Variants in UPF1 observed in about 807,000 individuals in gnomAD.
UPF1 encodes regulator of nonsense transcripts 1.
A neutral mutation model predicts 129.2 loss-of-function variants in UPF1; 9 were observed. That is an observed-to-expected ratio of 0.07 (90% confidence interval 0.04 to 0.12). UPF1 has a LOEUF of 0.12. Among genes scored for constraint, UPF1 ranks in the 10% least tolerant of loss-of-function variants. The pLI is 1.00. For synonymous variants in UPF1, 649 were observed against 644.9 expected, an observed-to-expected ratio of 1.01 and a Z score of -0.10; for missense variants, 788 against 1,525.3, an observed-to-expected ratio of 0.52 and a Z score of 8.05.
rs760440630 is a variant in UPF1 at position 18,856,999 on chromosome 19, C to T, written c.1947C>T (p.Pro649=). The change falls in exon 14 of 24, where the codon CCC becomes CCT. Residue 649 remains proline (P), a synonymous_variant. Transcript: ENST00000262803. The part of the protein sequence containing the change: ...TQATEPECMV[P]VVLGAKQLIL... ...CCACCGAGCCGGAGTGCATGGTTCC[C>T]GTGGTCCTCGGGGCCAAGCAGGTGG... The T allele has an allele frequency of 1.4e-5, 22 of 1,612,276 alleles. No individual in the cohort carries two copies. Among genetic ancestry groups the T allele is most frequent in the East Asian group, 2.2e-5 (1 of 44,880 alleles).
At chr19:18,842,352 C>T (rs545810143) in intron 1 of UPF1, among the ~76,000 whole-genome samples, 69 of 152,174 alleles carry the variant, frequency 4.5e-4, no homozygotes, top group Non-Finnish European at 7.5e-4. Flanking sequence ...CGCTCATGAG[C>T]CAGCTGTTTT....
At position 18,832,488 on chromosome 19, in the gene UPF1, C is replaced by T. The variant is rs2055438511; in HGVS notation, c.231+48C>T. On this transcript the variant is annotated intron_variant, in intron 1 of 23. Coordinates refer to ENST00000262803, the MANE Select transcript of UPF1 (RefSeq NM_002911.4). This position sits in a 1 kb window ranked among gnomAD's most constrained non-coding sequence, Gnocchi z 5.6. ...GGAAGCCCGGGCCCGGCCTCGGCGC[C>T]TGAGACCTGCCCCGAACTCGCCTCG... 1.0e-6 allele frequency: 1 copy of T among 996,044 alleles called. No homozygotes were observed. Among genetic ancestry groups the T allele is most frequent in the Non-Finnish European group, 1.2e-6 (1 of 835,942 alleles). 61.7% of individuals were successfully genotyped at this position (996,044 alleles called of 1,614,324 possible).
rs1188586170 is a variant in UPF1, at chr19:18,867,244, G to C, written c.*727G>C. ...GTGCCGCGGCCGGAGGAGTTTTGTT[G>C]TTGGTTTTAGCTTCCAGTGGCTTCT... is the stretch of plus-strand genomic sequence containing the variant. On this transcript the variant is annotated 3_prime_UTR_variant, in exon 24 of 24. Transcript: ENST00000262803. 1 of 152,286 alleles carries C rather than the reference G, an allele frequency of 6.6e-6. No individual in the cohort carries two copies. The highest frequency in any genetic ancestry group is 1.5e-5 in the Non-Finnish European group (1 of 68,050). The allele number at this position is 152,286 out of a possible 1,614,324, so 9.4% of individuals were successfully genotyped here. A position where few individuals can be genotyped will look rare whatever the true frequency, so the allele number is the denominator to read the frequency against.
At chr19:18,845,868 C>G (rs146802812) in intron 1 of UPF1, 112 bp from the exon 2 acceptor site, 1 of 1,431,970 alleles carries the variant, frequency 7.0e-7, no homozygotes. Context: ...GGGAAACTGT[C>G]TCAAAGCAGA....
intron 1 of UPF1, among the ~76,000 whole-genome samples, chr19:18,844,474 C>T (rs1202629673): frequency 1.3e-5 from 2 of 148,266 alleles, no homozygotes; most frequent in African/African-American, 5.0e-5. Flanking sequence ...CAGGCACGTG[C>T]CACCACGTCC....
chr19:18,853,125 A>G lies in UPF1; in HGVS notation c.1057+54A>G, dbSNP rs1324952935. On this transcript the variant is annotated intron_variant, in intron 7 of 23. Coordinates refer to ENST00000262803, the MANE Select transcript of UPF1 (RefSeq NM_002911.4). This position sits in a 1 kb window ranked among gnomAD's most constrained non-coding sequence, Gnocchi z 4.4. ...AAGAGGTGATTTTAAGTTTTAAAAT[A>G]TTTGTGACCATAAGTAGCATAAATT... The G allele has an allele frequency of 1.9e-6, 3 of 1,608,650 alleles. No individual in the cohort carries two copies. In the African/African-American group the frequency reaches 4.0e-5, roughly 21 times the overall value.
chr19:18,840,474 A>G (rs896167346), intron 1 of UPF1, among the ~76,000 whole-genome samples: 13 of 152,222 alleles, frequency 8.5e-5, no homozygotes, highest in Admixed American at 8.5e-4. Context: ...AGGAAGCTAA[A>G]GGGCACATGC....
rs2055786644 is a variant in UPF1, at chr19:18,862,075, T to C, written c.2523T>C (p.Cys841=). The change falls in exon 18 of 24, where the codon TGT becomes TGC. Residue 841 remains cysteine, a synonymous_variant. Transcript: ENST00000262803. ...AGAAGGACTTCATCATCCTGTCCTG[T>C]GTGCGGGCCAACGAGCACCAAGGCA... ...GREKDFIILS[C]VRANEHQGIG... 6.2e-7 allele frequency: 1 copy of C among 1,614,120 alleles called. No homozygotes were observed. Among genetic ancestry groups the C allele is most frequent in the Admixed American group, 1.7e-5 (1 of 60,030 alleles).
Position 18,865,849 on chromosome 19 carries a change from A to G in UPF1, c.3237+71A>G. The G allele has an allele frequency of 6.3e-7, 1 of 1,594,080 alleles. No homozygotes were observed. The highest frequency in any genetic ancestry group is 8.5e-7 in the Non-Finnish European group (1 of 1,171,504). On this transcript the variant is annotated intron_variant, in intron 22 of 23. Coordinates refer to ENST00000262803, the MANE Select transcript of UPF1 (RefSeq NM_002911.4). The surrounding 1 kb of genome is among the most constrained non-coding windows in gnomAD (Gnocchi z 6.1). ...TATGCACCTGAAACATTCCCTCTGA[A>G]GAGCCCCAGAGAGCTGGCCTGGCCC...
chr19:18,846,972 C>T (rs952373424), intron 2 of UPF1, among the ~76,000 whole-genome samples: 2 of 152,230 alleles, frequency 1.3e-5, no homozygotes, highest in Non-Finnish European at 2.9e-5. Flanking sequence ...CCAGCCTGAG[C>T]GACAGTCACG....
chr19:18,847,856 T>G (rs1218279406), intron 3 of UPF1, 23 bp downstream of exon 3: 4 of 1,609,140 alleles, frequency 2.5e-6, no homozygotes, highest in Non-Finnish European at 3.4e-6. Flanking sequence ...ACCATGCATG[T>G]GTGTTTAATC....
At chr19:18,855,879 C>T (rs561789702) in intron 11 of UPF1, 46 bp from the exon 12 acceptor site, 14 of 1,599,640 alleles carry the variant, frequency 8.8e-6, no homozygotes, top group Admixed American at 1.7e-5. Flanking sequence ...CTACGTTCAC[C>T]GAGCTTCCTC....
At chr19:18,860,712 A>G in intron 16 of UPF1, 114 bp from the exon 17 acceptor site, 3 of 1,445,852 alleles carry the variant, frequency 2.1e-6, no homozygotes, top group African/African-American at 1.4e-5. Flanking sequence ...TGCAAACGCC[A>G]GTGATGGCAG....
Position 18,865,418 on chromosome 19 carries a change from G to C in UPF1, c.2987G>C (p.Gly996Ala), listed in dbSNP as rs1234857844. 1.2e-6 allele frequency: 2 copies of C among 1,613,982 alleles called. No individual in the cohort carries two copies. Among genetic ancestry groups the C allele is most frequent in the East Asian group, 4.5e-5 (2 of 44,882 alleles). ...NLVMPPMPPPGYFGQANGPAA... is the reference protein window; with the variant it reads ...NLVMPPMPPPAYFGQANGPAA... ...GTCATGCCACCCATGCCACCGCCTG[G>C]CTATTTTGGACAAGCCAACGGGCCT... The change falls in exon 21 of 24, where the codon GGC (glycine) becomes GCC (alanine). Residue 996 changes from glycine (G) to alanine (A), a missense_variant. Physicochemically the swap from Gly to Ala is moderately conservative, Grantham distance 60. This residue lies in a region of UPF1 where 218 missense variants were observed against 318.1 expected (regional missense o/e 0.69). Transcript: ENST00000262803. This position sits in a 1 kb window ranked among gnomAD's most constrained non-coding sequence, Gnocchi z 6.1.
chr19:18,851,291 G>A lies in UPF1; in HGVS notation c.810+423G>A, dbSNP rs1181518304. 2.0e-5 allele frequency among the ~76,000 whole-genome samples: 3 copies of A among 152,134 alleles called. No homozygotes were observed. Among genetic ancestry groups the A allele is most frequent in the South Asian group, 4.1e-4 (2 of 4,822 alleles). ...GCTGAGACAGAGGGGAGAGGAGAGG[G>A]TGCCGGGTCAAGTAGTGGGTGCCTG... On this transcript the variant is annotated intron_variant, in intron 5 of 23. Transcript: ENST00000262803. This position sits in a 1 kb window ranked among gnomAD's most constrained non-coding sequence, Gnocchi z 4.2.
intron 14 of UPF1, 98 bp downstream of exon 14, chr19:18,857,118 A>G: frequency 3.9e-6 from 6 of 1,539,316 alleles, no homozygotes; most frequent in Non-Finnish European, 5.3e-6. Context: ...GATGCCCAGC[A>G]GAGTGTGCGC....
Position 18,832,165 on chromosome 19 carries a change from C to G in UPF1, c.-45C>G. ...CTAGGCCTCAGCGCGGCGGCGGGCT[C>G]GAGTGCAGCGCGGAACCGGCCCGAG... On this transcript the variant is annotated 5_prime_UTR_variant, in exon 1 of 24. Coordinates refer to ENST00000262803, the MANE Select transcript of UPF1 (RefSeq NM_002911.4). The surrounding 1 kb of genome is among the most constrained non-coding windows in gnomAD (Gnocchi z 5.6). 1 of 1,485,424 alleles carries G rather than the reference C, an allele frequency of 6.7e-7. No homozygotes were observed. The highest frequency in any genetic ancestry group is 9.0e-7 in the Non-Finnish European group (1 of 1,111,078). 92.0% of individuals were successfully genotyped at this position (1,485,424 alleles called of 1,614,324 possible). A position where few individuals can be genotyped will look rare whatever the true frequency, so the allele number is the denominator to read the frequency against.
chr19:18,846,484 A>G (rs2145945214), intron 2 of UPF1, among the ~76,000 whole-genome samples: 1 of 151,906 alleles, frequency 6.6e-6, no homozygotes, highest in South Asian at 2.1e-4. Context: ...CAGCTGAGAT[A>G]CCCTCACAAA....
Position 18,850,452 on chromosome 19 carries a change from T to C in UPF1, c.629+210T>C, listed in dbSNP as rs2145950611. On this transcript the variant is annotated intron_variant, in intron 4 of 23. Transcript: ENST00000262803. The surrounding 1 kb of genome is among the most constrained non-coding windows in gnomAD (Gnocchi z 7.1). ...GCCGTGTAACTCTTTTGGGGCGTTC[T>C]GGCTAAGTCATAAAAACAATTCTGT... Among the ~76,000 whole-genome samples the C allele has an allele frequency of 6.6e-6, 1 of 152,400 alleles. No individual in the cohort carries two copies. Among genetic ancestry groups the C allele is most frequent in the East Asian group, 1.9e-4 (1 of 5,194 alleles).
Sources: allele counts gnomAD v4.1 joint callset (sites outside exome capture counted in the v4.1 genomes callset), GRCh38; gene constraint gnomAD v4.1.1; regional missense constraint gnomAD v4.1.1; non-coding constraint Gnocchi (gnomAD v3.1); transcripts MANE v1.5; gene names NCBI Gene and HGNC (gene_info 2026-07-23, HGNC 2026-07-21).